SUGP1: variants seen among roughly 807,000 people sequenced by gnomAD.
SUGP1 encodes SURP and G-patch domain containing 1.
A neutral mutation model predicts 76.5 loss-of-function variants in SUGP1; 34 were observed. The observed-to-expected ratio is 0.44, with a 90% confidence interval of 0.34 to 0.59. The LOEUF (loss-of-function observed/expected upper bound fraction) is 0.59, where lower values mean the gene tolerates loss of function less well. SUGP1 is among the 20% of genes least tolerant of loss of function. The probability of loss-of-function intolerance (pLI) is 0.01; values close to 1 mark genes in which losing one functional copy is unlikely to be tolerated. For missense variants in SUGP1, 752 were observed against 851.7 expected, an observed-to-expected ratio of 0.88 and a Z score of 1.46; for synonymous variants, 326 against 326.2, an observed-to-expected ratio of 1.00 and a Z score of 0.01.
chr19:19,278,098 T>C (rs2061068282), intron 11 of SUGP1, among the ~76,000 whole-genome samples: 1 of 152,054 alleles, frequency 6.6e-6, no homozygotes, highest in African/African-American at 2.4e-5. Context: ...GGTGGCCAAG[T>C]CAAAAGGGCA....
intron 8 of SUGP1, among the ~76,000 whole-genome samples, chr19:19,288,726 AG>A (rs1456374792): frequency 6.6e-6 from 1 of 152,170 alleles, no homozygotes; most frequent in Non-Finnish European, 1.5e-5. Context: ...ACTGCACTCC[AG>A]CCTGGGAAAC....
intron 3 of SUGP1, among the ~76,000 whole-genome samples, chr19:19,308,132 G>C (rs1401420965): frequency 6.6e-6 from 1 of 152,130 alleles, no homozygotes. Context: ...AGGCCCAAAA[G>C]TGATCCACCC....
At chr19:19,313,005 AAATAAAATAAATAAAT>A (rs2061363566) in intron 2 of SUGP1, among the ~76,000 whole-genome samples, 1 of 151,480 alleles carries the variant, frequency 6.6e-6, no homozygotes, top group East Asian at 1.9e-4. Context: ...AAAAATAAAT[AAATAAAATAAATAAAT>A]AAAAAAAAAC....
In SUGP1 at chr19:19,302,579, A is replaced by C. The variant is rs371389675; in HGVS notation, c.764-191T>G. On this transcript the variant is annotated intron_variant, in intron 6 of 13. Transcript: ENST00000247001. ...AACACACCTCAAGCCCCCACCCCCG[A>C]CCCCCGCCCCGTCCCACAAGGGAGG... 3.2e-3 allele frequency: 2,357 copies of C among 733,090 alleles called. 38 individuals carry two copies. In the African/African-American group the frequency reaches 0.037, roughly 12 times the overall value. 45.4% of individuals were successfully genotyped at this position (733,090 alleles called of 1,614,324 possible).
chr19:19,292,972 T>A (rs2061197415), intron 8 of SUGP1, among the ~76,000 whole-genome samples: 1 of 152,030 alleles, frequency 6.6e-6, no homozygotes, highest in South Asian at 2.1e-4. Context: ...AGTTGCTCAA[T>A]CTCGGCTCAC....
intron 8 of SUGP1, chr19:19,281,243 TGG>T (rs2061096478): frequency 1.3e-5 from 2 of 152,166 alleles, no homozygotes; most frequent in Admixed American, 1.3e-4. Context: ...CATGGATCAG[TGG>T]GACTTGAACC....
chr19:19,312,046 C>T (rs572493310), intron 2 of SUGP1, among the ~76,000 whole-genome samples: 1 of 152,126 alleles, frequency 6.6e-6, no homozygotes, highest in African/African-American at 2.4e-5. Context: ...TGAAATAAGC[C>T]TAGGCAATAT....
rs909209307 is a variant in SUGP1, at chr19:19,306,386, C to T, written c.311-310G>A. ...TCTGGGGACAGAACGTCAGTTCTGC[C>T]GGGTAAGACCCGAGTCCCCGAATCC... is the stretch of plus-strand genomic sequence containing the variant. On this transcript the variant is annotated intron_variant, in intron 3 of 13. Transcript: ENST00000247001. Among the ~76,000 whole-genome samples the T allele has an allele frequency of 5.3e-5, 8 of 152,170 alleles. No homozygotes were observed. The East Asian group carries it at 1.2e-3, about 22-fold the overall frequency.
chr19:19,285,552 C>A (rs567008087), intron 8 of SUGP1, among the ~76,000 whole-genome samples: 1 of 152,088 alleles, frequency 6.6e-6, no homozygotes, highest in Non-Finnish European at 1.5e-5. Flanking sequence ...GGAGCAAACA[C>A]CAGAATTCAT....
At chr19:19,294,353 A>G (rs1392043220) in intron 8 of SUGP1, among the ~76,000 whole-genome samples, 1 of 152,050 alleles carries the variant, frequency 6.6e-6, no homozygotes, top group Middle Eastern at 3.2e-3. Context: ...GTGAAACTCC[A>G]TCTCTACAAA....
intron 2 of SUGP1, among the ~76,000 whole-genome samples, chr19:19,310,418 T>A (rs1267474182): frequency 6.6e-6 from 1 of 152,182 alleles, no homozygotes; most frequent in East Asian, 1.9e-4. Flanking sequence ...CTGGGAACAA[T>A]CTTGTTCTGA....
At chr19:19,301,346 C>T (rs553013006) in intron 7 of SUGP1, among the ~76,000 whole-genome samples, 2 of 152,290 alleles carry the variant, frequency 1.3e-5, no homozygotes, top group South Asian at 4.1e-4. Flanking sequence ...CTTGACCCTC[C>T]CTGTTCCCAG....
At position 19,298,277 on chromosome 19, in the gene SUGP1, C is replaced by T. The variant is rs1285574580; in HGVS notation, c.888-933G>A. On this transcript the variant is annotated intron_variant, in intron 7 of 13. Transcript: ENST00000247001. ...CTTTGGGAGGCCGAGGCGGGCAGAT[C>T]ACCTGAGGTCAGGAGTTCGAGACCA... Among the ~76,000 whole-genome samples the T allele has an allele frequency of 9.2e-5, 14 of 152,186 alleles. No homozygotes were observed. In the East Asian group the frequency reaches 1.7e-3, roughly 19 times the overall value.
In SUGP1 at chr19:19,297,246, G is replaced by A; in HGVS notation, c.986C>T (p.Ala329Val). ...CTTGCGCTTCAGGCCGGGATCAGGT[G>A]CTGTGAAGCTGCCTGTGGAGCTGGC... The part of the protein sequence containing the change: ...AKASSTGSFT[A>V]PDPGLKRKSP... Residue 329 changes from alanine to valine, a missense_variant, in exon 8 of 14, where the codon GCA becomes GTA. Around this residue, in one of 2 missense-constraint regions of SUGP1, gnomAD observed 620 missense variants for 617.3 expected, o/e 1.00. Transcript: ENST00000247001. The A allele has an allele frequency of 1.3e-6, 2 of 1,586,586 alleles. No individual in the cohort carries two copies. The highest frequency in any genetic ancestry group is 1.7e-6 in the Non-Finnish European group (2 of 1,161,376).
chr19:19,277,119 C>A, intron 12 of SUGP1, 43 bp from the exon 13 acceptor site: 23 of 1,581,626 alleles, frequency 1.5e-5, no homozygotes, highest in Non-Finnish European at 1.9e-5. Flanking sequence ...GGGGCCAGAA[C>A]TCTGGCCGGG....
chr19:19,306,972 G>A (rs142670581), intron 3 of SUGP1, among the ~76,000 whole-genome samples: 1 of 152,160 alleles, frequency 6.6e-6, no homozygotes, highest in Non-Finnish European at 1.5e-5. Flanking sequence ...CATGAAATTG[G>A]CCAGCTCACC....
At chr19:19,297,954 C>T (rs534910239) in intron 7 of SUGP1, among the ~76,000 whole-genome samples, 124 of 152,320 alleles carry the variant, frequency 8.1e-4, no homozygotes, top group Non-Finnish European at 3.8e-4. Flanking sequence ...CACCTACTGG[C>T]GCCTCTCGGA....
In SUGP1 at chr19:19,308,556, G is replaced by GC. The variant is rs555903884; in HGVS notation, c.310+1540dup. 5.8e-3 allele frequency among the ~76,000 whole-genome samples: 891 copies of GC among 152,362 alleles called. 10 individuals are homozygous for GC. The highest frequency in any genetic ancestry group is 0.034 in the Middle Eastern group (10 of 294). ...AGTGCCCTGGTGGTCATTGTTGGGT[G>GC]CCCCCAGCTGCGTGCCCACCCGGCA... On this transcript the variant is annotated intron_variant, in intron 3 of 13. Transcript: ENST00000247001.
intron 10 of SUGP1, 75 bp from the exon 11 acceptor site, chr19:19,278,871 A>G: frequency 6.8e-7 from 1 of 1,479,240 alleles, no homozygotes; most frequent in Non-Finnish European, 9.3e-7. Flanking sequence ...CTCCCAGGGC[A>G]CAGGTATGAG....
Sources: allele counts gnomAD v4.1 joint callset (sites outside exome capture counted in the v4.1 genomes callset), GRCh38; gene constraint gnomAD v4.1.1; regional missense constraint gnomAD v4.1.1; transcripts MANE v1.5; gene names NCBI Gene and HGNC (gene_info 2026-07-23, HGNC 2026-07-21).